Variants in RBFOX3 observed in about 807,000 individuals in gnomAD.
RBFOX3 encodes RNA binding protein fox-1 homolog 3.
RBFOX3 carries 17 observed loss-of-function variants against 48.7 expected under a neutral mutation model. The observed-to-expected ratio is 0.35, with a 90% confidence interval of 0.24 to 0.52. The LOEUF is 0.52. Among genes scored for constraint, RBFOX3 ranks in the 20% least tolerant of loss-of-function variants. The probability of loss-of-function intolerance (pLI) is 0.94; values close to 1 mark genes in which losing one functional copy is unlikely to be tolerated. For missense variants in RBFOX3, 382 were observed against 497.5 expected, an observed-to-expected ratio of 0.77 and a Z score of 2.21; for synonymous variants, 212 against 209.5, an observed-to-expected ratio of 1.01 and a Z score of -0.10.
At chr17:79,564,303 A>C in intron 1 of RBFOX3, among the ~76,000 whole-genome samples, 1 of 152,182 alleles carries the variant, frequency 6.6e-6, no homozygotes, top group East Asian at 1.9e-4. Flanking sequence ...ATAGCAGCAA[A>C]CCCAAAATGG....
chr17:79,490,091 T>C (rs923765777), intron 1 of RBFOX3, among the ~76,000 whole-genome samples: 2 of 152,254 alleles, frequency 1.3e-5, no homozygotes, highest in Non-Finnish European at 2.9e-5. Context: ...GCTTAATTCC[T>C]GGCTCCCCTC....
At chr17:79,662,132 C>CTTTTTTTTTTTTTTTTTTTTTTTTT in the RBFOX3 span, among the ~76,000 whole-genome samples, 33 of 96,850 alleles carry the variant, frequency 3.4e-4, 9 homozygotes, top group African/African-American at 6.6e-4. Flanking sequence ...CCTGTTTATT[C>CTTTTTTTTTTTTTTTTTTTTTTTTT]TTTTTTTTTT....
the RBFOX3 span, among the ~76,000 whole-genome samples, chr17:79,651,971 G>T: frequency 2.0e-5 from 3 of 150,344 alleles, no homozygotes; most frequent in African/African-American, 7.4e-5. Flanking sequence ...AAGTGGCTGA[G>T]CTTGGGAGCA....
intron 3 of RBFOX3, among the ~76,000 whole-genome samples, chr17:79,241,863 C>G (rs1202376766): frequency 1.3e-5 from 2 of 152,142 alleles, no homozygotes; most frequent in Admixed American, 1.3e-4. Context: ...TGTAAGGGCA[C>G]TAATCCCATT....
intron 13 of RBFOX3, among the ~76,000 whole-genome samples, chr17:79,094,863 C>T (rs1292255961): frequency 6.6e-6 from 1 of 152,032 alleles, no homozygotes; most frequent in Non-Finnish European, 1.5e-5. Context: ...CAAACTTCCA[C>T]CCCAAAAAGA....
At chr17:79,620,123 A>G in the RBFOX3 span, among the ~76,000 whole-genome samples, 2 of 143,350 alleles carry the variant, frequency 1.4e-5, no homozygotes, top group African/African-American at 2.8e-5. Context: ...ATATGCACAC[A>G]TACACACATG....
chr17:79,099,695 C>T (rs1049569939), intron 9 of RBFOX3: 1 of 152,260 alleles, frequency 6.6e-6, no homozygotes, highest in African/African-American at 2.4e-5. Flanking sequence ...GGTGCCCTCC[C>T]CTGTCAATTC....
chr17:79,606,825 G>T (rs2093841918), intron 1 of RBFOX3, among the ~76,000 whole-genome samples: 1 of 152,064 alleles, frequency 6.6e-6, no homozygotes, highest in South Asian at 2.1e-4. Context: ...AACCCTCACA[G>T]GTCACACAAG....
chr17:79,441,006 G>A (rs2070792365), intron 2 of RBFOX3, among the ~76,000 whole-genome samples: 1 of 152,266 alleles, frequency 6.6e-6, no homozygotes, highest in Admixed American at 6.5e-5. Context: ...GCTGGCTTGG[G>A]CCCAGGGGCA....
intron 1 of RBFOX3, among the ~76,000 whole-genome samples, chr17:79,577,956 C>T (rs1307281695): frequency 6.6e-6 from 1 of 152,232 alleles, no homozygotes; most frequent in East Asian, 1.9e-4. Flanking sequence ...GCAGACCCAG[C>T]GTGGGTGGCA....
chr17:79,450,321 G>A (rs1489089023), intron 2 of RBFOX3, among the ~76,000 whole-genome samples: 1 of 152,144 alleles, frequency 6.6e-6, no homozygotes. Flanking sequence ...CCTGGACTTG[G>A]AACAAGAGCT....
chr17:79,612,904 T>C (rs1259997943), upstream of RBFOX3, among the ~76,000 whole-genome samples: 3 of 152,282 alleles, frequency 2.0e-5, no homozygotes, highest in Non-Finnish European at 2.9e-5. Flanking sequence ...GTCCCGCTTG[T>C]CCCTTGCCCA....
intron 3 of RBFOX3, 85 bp downstream of exon 3, chr17:79,307,639 G>C (rs1392405837): frequency 6.5e-6 from 1 of 153,808 alleles, no homozygotes; most frequent in Non-Finnish European, 1.5e-5. Flanking sequence ...ATGGCGGTGG[G>C]CCACCCTGAG....
intron 2 of RBFOX3, among the ~76,000 whole-genome samples, chr17:79,412,272 G>A (rs533975473): frequency 8.2e-4 from 125 of 151,628 alleles, no homozygotes; most frequent in African/African-American, 2.4e-3. Flanking sequence ...TGTATGGTAT[G>A]TGTGCGTGTA....
intron 4 of RBFOX3, among the ~76,000 whole-genome samples, chr17:79,181,561 G>T (rs867554806): frequency 7.2e-5 from 11 of 152,214 alleles, no homozygotes; most frequent in Non-Finnish European, 1.5e-5. Flanking sequence ...GGAGTCCCCA[G>T]ATGTCACAGG....
chr17:79,180,086 G>A (rs756493194), intron 4 of RBFOX3, among the ~76,000 whole-genome samples: 11 of 152,184 alleles, frequency 7.2e-5, no homozygotes, highest in African/African-American at 2.7e-4. Context: ...CAGATGATCC[G>A]AAATCATCCC....
chr17:79,656,723 C>A, the RBFOX3 span, among the ~76,000 whole-genome samples: 45 of 83,012 alleles, frequency 5.4e-4, no homozygotes, highest in African/African-American at 1.4e-3. Flanking sequence ...GAGAGAGAGA[C>A]AGAAAGAAAG....
At chr17:79,559,963 G>A (rs2092097381) in intron 1 of RBFOX3, among the ~76,000 whole-genome samples, 1 of 148,596 alleles carries the variant, frequency 6.7e-6, no homozygotes, top group African/African-American at 2.5e-5. Context: ...TGAATGAATG[G>A]GTGGATAGAT....
At chr17:79,596,931 G>C (rs1266900574) in intron 1 of RBFOX3, among the ~76,000 whole-genome samples, 8 of 152,176 alleles carry the variant, frequency 5.3e-5, no homozygotes, top group Non-Finnish European at 1.2e-4. Context: ...GCTTCGCTAT[G>C]TTCCGTGTTG....
Sources: gnomAD v4.1 joint callset for allele counts (sites outside exome capture counted in the v4.1 genomes callset) on GRCh38, gnomAD v4.1.1 for gene constraint, MANE v1.5 for transcripts, NCBI Gene and HGNC (gene_info 2026-07-23, HGNC 2026-07-21) for gene names.